The following MAPK10 variants were observed in gnomAD, a reference collection of about 807,000 sequenced individuals.
MAPK10 encodes the protein JNK3 alpha protein kinase.
Under a neutral mutation model 59.3 loss-of-function variants are expected in MAPK10, and 25 were observed. The ratio of observed to expected loss-of-function variants is 0.42; its 90% CI spans 0.31 to 0.59. MAPK10 has a LOEUF of 0.59. Ranked by LOEUF, MAPK10 falls within the 20% of genes least tolerant of loss-of-function variation. The probability of loss-of-function intolerance (pLI) is 0.15; values close to 1 mark genes in which losing one functional copy is unlikely to be tolerated. For synonymous variants in MAPK10, 190 were observed against 200.5 expected (o/e 0.95, Z 0.44); for missense variants, 351 against 568.9 (o/e 0.62, Z 3.90).
chr4:86,480,905 G>A (rs1262456676), intron 1 of MAPK10, among the ~76,000 whole-genome samples: 1 of 152,158 alleles, frequency 6.6e-6, no homozygotes, highest in Non-Finnish European at 1.5e-5. Flanking sequence ...AATGGCCAGC[G>A]ATGTAGAAAT....
rs564589017 is a variant in MAPK10 at position 86,248,708 on chromosome 4, C to T, written c.-6-54301G>A. ...GAGAATCGGGATATACGATCTCCTTCTAACACAATGCAGGGTTAACCAGAA... is the reference window on the plus strand; with the variant it reads ...GAGAATCGGGATATACGATCTCCTTTTAACACAATGCAGGGTTAACCAGAA... On this transcript the variant is annotated intron_variant, in intron 2 of 13. Coordinates refer to ENST00000641462, the MANE Select transcript of MAPK10 (RefSeq NM_138982.4). 8.5e-5 allele frequency among the ~76,000 whole-genome samples: 13 copies of T among 152,306 alleles called. No homozygotes were observed. In the East Asian group the frequency reaches 2.5e-3, roughly 29 times the overall value.
intron 4 of MAPK10, among the ~76,000 whole-genome samples, chr4:86,109,819 T>C (rs1561815020): frequency 6.6e-6 from 1 of 152,194 alleles, no homozygotes. Flanking sequence ...TACTGTCTTC[T>C]ACAATGGTTG....
intron 11 of MAPK10, chr4:86,032,626 T>A (rs896056181): frequency 1.3e-5 from 2 of 152,156 alleles, no homozygotes; most frequent in Admixed American, 1.3e-4. Context: ...CTGTGAGAGC[T>A]TTTTGGCTCA....
intron 13 of MAPK10, among the ~76,000 whole-genome samples, chr4:86,023,058 A>G (rs1748161007): frequency 6.6e-6 from 1 of 152,142 alleles, no homozygotes; most frequent in Non-Finnish European, 1.5e-5. Flanking sequence ...TTTGCCTAAG[A>G]GTTTTATAAT....
intron 3 of MAPK10, among the ~76,000 whole-genome samples, chr4:86,175,487 G>A (rs766189708): frequency 3.9e-5 from 6 of 152,006 alleles, no homozygotes; most frequent in Non-Finnish European, 7.4e-5. Context: ...CATGGGGGTG[G>A]TTTCTCATGG....
intron 1 of MAPK10, among the ~76,000 whole-genome samples, chr4:86,507,663 TATATATATAA>T (rs1755894044): frequency 9.6e-6 from 1 of 104,364 alleles, no homozygotes; most frequent in African/African-American, 3.9e-5. Context: ...TATATATATA[TATATATATAA>T]AATCATGTGT....
intron 1 of MAPK10, among the ~76,000 whole-genome samples, chr4:86,427,757 T>A (rs966934125): frequency 6.6e-6 from 1 of 152,242 alleles, no homozygotes. Context: ...AAAATTTTTA[T>A]ACTTTATTTC....
chr4:86,333,768 C>T (rs981571700), intron 2 of MAPK10, among the ~76,000 whole-genome samples: 3 of 152,162 alleles, frequency 2.0e-5, no homozygotes, highest in African/African-American at 7.2e-5. Flanking sequence ...ACATATTTTT[C>T]ATCTGTAAAA....
At chr4:86,208,728 A>T (rs186086480) in intron 2 of MAPK10, among the ~76,000 whole-genome samples, 25 of 152,092 alleles carry the variant, frequency 1.6e-4, no homozygotes, top group Middle Eastern at 6.8e-3. Context: ...TAGTGTTGGA[A>T]GTTCTGGCCA....
intron 2 of MAPK10, 139 bp downstream of exon 2, chr4:86,354,391 A>G (rs955341362): frequency 4.9e-6 from 2 of 404,760 alleles, no homozygotes; most frequent in Admixed American, 4.4e-5. Flanking sequence ...CTTCTGTTCT[A>G]TTGATTTTCA....
chr4:86,054,144 T>G (rs1271038801), intron 11 of MAPK10, among the ~76,000 whole-genome samples: 1 of 152,226 alleles, frequency 6.6e-6, no homozygotes, highest in Non-Finnish European at 1.5e-5. Flanking sequence ...CACCTGAGAA[T>G]CTTGGATTCA....
chr4:86,449,330 T>C (rs947155208), intron 1 of MAPK10, among the ~76,000 whole-genome samples: 2 of 152,324 alleles, frequency 1.3e-5, no homozygotes, highest in Middle Eastern at 3.4e-3. Flanking sequence ...ACACTACAAA[T>C]GTCTTTATGG....
At chr4:86,119,590 A>C (rs112862859) in intron 4 of MAPK10, 1 of 151,746 alleles carries the variant, frequency 6.6e-6, no homozygotes, top group East Asian at 1.9e-4. Flanking sequence ...TCACAAAAAA[A>C]AAAAAAAAAA....
At chr4:86,293,861 C>T (rs1350550107) in intron 2 of MAPK10, among the ~76,000 whole-genome samples, 3 of 152,044 alleles carry the variant, frequency 2.0e-5, no homozygotes, top group Non-Finnish European at 2.9e-5. Flanking sequence ...AGGAGAAATC[C>T]GCCTCTATCT....
chr4:86,487,902 G>GC (rs1754132517), intron 1 of MAPK10, among the ~76,000 whole-genome samples: 2 of 151,980 alleles, frequency 1.3e-5, no homozygotes, highest in African/African-American at 4.8e-5. Context: ...AAAGTTTTAG[G>GC]CCTTGATGTT....
chr4:86,539,407 C>T (rs1758501224), intron 1 of MAPK10, among the ~76,000 whole-genome samples: 1 of 152,130 alleles, frequency 6.6e-6, no homozygotes. Flanking sequence ...ACCTCAGCTA[C>T]TAGATGAGGC....
intron 2 of MAPK10, among the ~76,000 whole-genome samples, chr4:86,307,818 G>A (rs758248977): frequency 5.9e-5 from 9 of 152,044 alleles, no homozygotes; most frequent in Non-Finnish European, 8.8e-5. Context: ...AAGGCAAGAG[G>A]GAATCATTAA....
chr4:86,350,237 C>T (rs12640131), intron 2 of MAPK10, among the ~76,000 whole-genome samples: 31,694 of 147,302 alleles, frequency 0.22, 4,166 homozygotes, highest in South Asian at 0.43. Context: ...TTTTTTGAGA[C>T]GGAGTCTCAC....
intron 1 of MAPK10, among the ~76,000 whole-genome samples, chr4:86,418,152 G>A (rs1374674697): frequency 2.0e-5 from 3 of 152,080 alleles, no homozygotes; most frequent in African/African-American, 4.8e-5. Flanking sequence ...TTACTAGTAC[G>A]AACATTAAAG....
Sources: allele counts gnomAD v4.1 joint callset (sites outside exome capture counted in the v4.1 genomes callset), GRCh38; gene constraint gnomAD v4.1.1; transcripts MANE v1.5; gene names NCBI Gene and HGNC (gene_info 2026-07-23, HGNC 2026-07-21).